Variants in GPHN observed in about 807,000 individuals in gnomAD.
The protein encoded by GPHN is gephyrin.
In GPHN, 17 loss-of-function variants were observed where a neutral mutation model predicts 95.5. The observed-to-expected ratio is 0.18, with a 90% CI of 0.12 to 0.27. The LOEUF is 0.27. Ranked by LOEUF, GPHN falls within the 10% of genes least tolerant of loss-of-function variation. The pLI is 1.00. For synonymous variants in GPHN, 320 were observed against 322.5 expected (o/e 0.99, Z 0.08); for missense variants, 660 against 978.1 (o/e 0.67, Z 4.34).
At chr14:67,018,420 G>A (rs979307611) in intron 9 of GPHN, among the ~76,000 whole-genome samples, 40 of 151,998 alleles carry the variant, frequency 2.6e-4, no homozygotes, top group African/African-American at 9.7e-4. Context: ...AGTAGTATTT[G>A]CATCAGAAAA....
chr14:67,510,366 C>T, the GPHN span, among the ~76,000 whole-genome samples: 6 of 152,100 alleles, frequency 3.9e-5, no homozygotes, highest in Non-Finnish European at 8.8e-5. Context: ...GAAGCCTTTG[C>T]CAACCATCAG....
At chr14:67,176,277 T>C (rs1252846034) in intron 21 of GPHN, among the ~76,000 whole-genome samples, 1 of 152,214 alleles carries the variant, frequency 6.6e-6, no homozygotes, top group Non-Finnish European at 1.5e-5. Context: ...TTGAGAGTTT[T>C]TAGCATGAAG....
chr14:66,588,330 C>T (rs2061504474), intron 1 of GPHN, among the ~76,000 whole-genome samples: 1 of 152,104 alleles, frequency 6.6e-6, no homozygotes, highest in Admixed American at 6.5e-5. Flanking sequence ...AATGCCTCTT[C>T]TCCTCCAAAG....
chr14:66,585,876 G>A (rs1395529576), intron 1 of GPHN, among the ~76,000 whole-genome samples: 1 of 152,128 alleles, frequency 6.6e-6, no homozygotes, highest in East Asian at 1.9e-4. Context: ...TTGATTTGGG[G>A]TGGAGAGTTC....
chr14:66,958,011 A>G (rs533337792), intron 8 of GPHN, among the ~76,000 whole-genome samples: 25 of 152,208 alleles, frequency 1.6e-4, no homozygotes, highest in Non-Finnish European at 3.5e-4. Context: ...ATTGTCTTCC[A>G]TAAAAACACT....
the GPHN span, among the ~76,000 whole-genome samples, chr14:67,427,875 GCA>G: frequency 6.6e-6 from 1 of 150,952 alleles, no homozygotes; most frequent in Non-Finnish European, 1.5e-5. Flanking sequence ...AAAGCCTCTC[GCA>G]CACATTTCCG....
the GPHN span, among the ~76,000 whole-genome samples, chr14:67,396,946 T>TA: frequency 7.0e-6 from 1 of 142,238 alleles, no homozygotes; most frequent in African/African-American, 2.6e-5. Context: ...TTGGGAGACT[T>TA]TTTTTTTTTT....
chr14:66,867,246 C>G (rs1270521477), intron 4 of GPHN, among the ~76,000 whole-genome samples: 3 of 152,072 alleles, frequency 2.0e-5, no homozygotes, highest in Non-Finnish European at 4.4e-5. Flanking sequence ...TTCCAGATTG[C>G]ATCTTCTCTG....
intron 18 of GPHN, among the ~76,000 whole-genome samples, chr14:67,154,181 G>A (rs1327540952): frequency 2.6e-5 from 4 of 152,106 alleles, no homozygotes; most frequent in Non-Finnish European, 5.9e-5. Context: ...TTCCATGCAC[G>A]CTTTGCCACT....
At chr14:67,340,538 A>T in the GPHN span, 8 of 1,586,908 alleles carry the variant, frequency 5.0e-6, no homozygotes, top group South Asian at 8.9e-5. Flanking sequence ...AAAAAAAAAT[A>T]ATATGTGTGA....
At chr14:67,278,619 A>G in the GPHN span, among the ~76,000 whole-genome samples, 5 of 152,164 alleles carry the variant, frequency 3.3e-5, no homozygotes, top group African/African-American at 1.2e-4. Flanking sequence ...TTTCAATCCC[A>G]TGTTAATTGT....
chr14:67,413,282 T>G, the GPHN span, among the ~76,000 whole-genome samples: 170 of 152,266 alleles, frequency 1.1e-3, no homozygotes, highest in African/African-American at 3.9e-3. Flanking sequence ...TATTTTTATT[T>G]ATAGAGACAG....
intron 1 of GPHN, among the ~76,000 whole-genome samples, chr14:66,676,264 A>C (rs1482077925): frequency 1.3e-5 from 2 of 152,132 alleles, no homozygotes; most frequent in Non-Finnish European, 2.9e-5. Context: ...AAGAGGGACA[A>C]CTTGCCTTTC....
chr14:66,702,977 C>G (rs1018002701), intron 2 of GPHN, among the ~76,000 whole-genome samples: 1 of 152,094 alleles, frequency 6.6e-6, no homozygotes, highest in Non-Finnish European at 1.5e-5. Flanking sequence ...AAAAACACAG[C>G]ATGAGAACTT....
intron 10 of GPHN, among the ~76,000 whole-genome samples, chr14:67,025,154 A>G (rs2073860026): frequency 6.6e-6 from 1 of 152,140 alleles, no homozygotes; most frequent in Non-Finnish European, 1.5e-5. Context: ...TCCTAGGAGT[A>G]AGGAATCCTT....
At chr14:67,652,423 G>GT in the GPHN span, 2 of 185,154 alleles carry the variant, frequency 1.1e-5, no homozygotes, top group African/African-American at 4.7e-5. Context: ...GGCATATGCT[G>GT]TTTCACTAAC....
the GPHN span, among the ~76,000 whole-genome samples, chr14:67,238,211 C>T: frequency 6.6e-6 from 1 of 151,748 alleles, no homozygotes; most frequent in African/African-American, 2.4e-5. Context: ...CTGGGATTGG[C>T]TCAATTCACC....
At chr14:66,764,306 T>C (rs940475216) in intron 2 of GPHN, among the ~76,000 whole-genome samples, 2 of 152,108 alleles carry the variant, frequency 1.3e-5, no homozygotes, top group Non-Finnish European at 2.9e-5. Flanking sequence ...TGAGCATTAG[T>C]GTATGTTGTT....
the GPHN span, among the ~76,000 whole-genome samples, chr14:67,341,339 G>A: frequency 6.6e-6 from 1 of 151,902 alleles, no homozygotes; most frequent in African/African-American, 2.4e-5. Flanking sequence ...TCTGAGAAGT[G>A]AGGAGACCCT....
Sources: gnomAD v4.1 joint callset for allele counts (sites outside exome capture counted in the v4.1 genomes callset) on GRCh38, gnomAD v4.1.1 for gene constraint, MANE v1.5 for transcripts, NCBI Gene and HGNC (gene_info 2026-07-23, HGNC 2026-07-21) for gene names.